The following UCK2 variants were observed in gnomAD, a reference collection of about 807,000 sequenced individuals.
The protein encoded by UCK2 is uridine-cytidine kinase 2, also known as cytidine monophosphokinase 2.
A neutral mutation model predicts 30.8 loss-of-function variants in UCK2; 6 were observed. The observed-to-expected ratio is 0.19, with a 90% confidence interval of 0.11 to 0.38. The LOEUF (loss-of-function observed/expected upper bound fraction) is 0.38. Among genes scored for constraint, UCK2 ranks in the 10% least tolerant of loss-of-function variants. UCK2 has a pLI of 1.00. For synonymous variants in UCK2, 125 were observed against 133.6 expected (o/e 0.94, Z 0.45); for missense variants, 210 against 339.8 (o/e 0.62, Z 3.00).
At chr1:165,834,993 C>T (rs116670011) in intron 1 of UCK2, among the ~76,000 whole-genome samples, 2,031 of 152,062 alleles carry the variant, frequency 0.013, 20 homozygotes, top group Non-Finnish European at 0.02. Context: ...GCTATTTGGT[C>T]TGACATTTTT....
At chr1:165,861,616 A>C (rs1458934080) in intron 1 of UCK2, among the ~76,000 whole-genome samples, 1 of 99,422 alleles carries the variant, frequency 1.0e-5, no homozygotes, top group African/African-American at 4.0e-5. Flanking sequence ...CGACAGAGCG[A>C]GACTCCGTCT....
At chr1:165,842,068 G>A (rs191734471) in intron 1 of UCK2, among the ~76,000 whole-genome samples, 2 of 152,206 alleles carry the variant, frequency 1.3e-5, no homozygotes, top group African/African-American at 4.8e-5. Flanking sequence ...CGTTGGAGCT[G>A]TAGATTCTTT....
chr1:165,900,847 A>G (rs1647436154), intron 4 of UCK2, among the ~76,000 whole-genome samples: 1 of 152,256 alleles, frequency 6.6e-6, no homozygotes, highest in Non-Finnish European at 1.5e-5. Context: ...ACAATCCAGC[A>G]TCAGGCGTTT....
At chr1:165,888,292 TTC>T (rs1474314143) in intron 1 of UCK2, among the ~76,000 whole-genome samples, 2 of 152,134 alleles carry the variant, frequency 1.3e-5, no homozygotes, top group African/African-American at 2.4e-5. Flanking sequence ...TTCTGTTCTT[TTC>T]TCTTTTTTCT....
intron 1 of UCK2, among the ~76,000 whole-genome samples, chr1:165,844,195 T>C (rs1049659719): frequency 4.6e-5 from 7 of 152,234 alleles, no homozygotes; most frequent in Admixed American, 1.3e-4. Context: ...CTCTGCTCTA[T>C]TGAGTCTCAG....
chr1:165,885,066 A>T (rs1314541413), intron 1 of UCK2: 7 of 276,692 alleles, frequency 2.5e-5, no homozygotes, highest in Non-Finnish European at 4.7e-5. Context: ...GACTTTAGTG[A>T]TGCAGTGGGA....
chr1:165,836,470 A>G (rs1199987153), intron 1 of UCK2, among the ~76,000 whole-genome samples: 1 of 152,208 alleles, frequency 6.6e-6, no homozygotes, highest in African/African-American at 2.4e-5. Flanking sequence ...ACTTAGACTC[A>G]GTTTTTACCT....
chr1:165,839,570 A>T (rs192961976), intron 1 of UCK2, among the ~76,000 whole-genome samples: 1 of 152,152 alleles, frequency 6.6e-6, no homozygotes, highest in Non-Finnish European at 1.5e-5. Context: ...GAAGCTTTAT[A>T]ATGTGTCCAC....
chr1:165,883,955 G>A (rs1351805104), intron 1 of UCK2, among the ~76,000 whole-genome samples: 1 of 152,158 alleles, frequency 6.6e-6, no homozygotes, highest in African/African-American at 2.4e-5. Flanking sequence ...CTGGTGCTTT[G>A]GTTTTCTAAT....
intron 1 of UCK2, among the ~76,000 whole-genome samples, chr1:165,867,694 G>A (rs1381665182): frequency 2.6e-5 from 4 of 152,144 alleles, no homozygotes; most frequent in African/African-American, 9.7e-5. Flanking sequence ...CACATCTTCA[G>A]GTTCCACTTC....
intron 1 of UCK2, among the ~76,000 whole-genome samples, chr1:165,872,894 A>C (rs1455586032): frequency 6.6e-6 from 1 of 152,222 alleles, no homozygotes; most frequent in African/African-American, 2.4e-5. Flanking sequence ...GTGATCAGCA[A>C]TCCGGCTGGG....
intron 1 of UCK2, among the ~76,000 whole-genome samples, chr1:165,836,233 C>A (rs550297050): frequency 0.011 from 1,603 of 149,972 alleles, 49 homozygotes; most frequent in African/African-American, 0.037. Context: ...CGTCTCAAAA[C>A]AAAAAACAAA....
At chr1:165,867,260 C>T (rs1257666053) in intron 1 of UCK2, among the ~76,000 whole-genome samples, 2 of 152,154 alleles carry the variant, frequency 1.3e-5, no homozygotes, top group African/African-American at 4.8e-5. Context: ...GAGTGTCTTG[C>T]CTCGATAGTG....
intron 1 of UCK2, among the ~76,000 whole-genome samples, chr1:165,886,612 C>G (rs1008781681): frequency 9.2e-5 from 14 of 152,138 alleles, no homozygotes; most frequent in African/African-American, 3.4e-4. Context: ...TCTTAAGGAA[C>G]AAGATGACAC....
At chr1:165,880,564 GGGGTGTGTGTGTGTGTGTGTGTGTGTGT>G (rs752716442) in intron 1 of UCK2, among the ~76,000 whole-genome samples, 28,238 of 100,000 alleles carry the variant, frequency 0.28, 3,019 homozygotes, top group South Asian at 0.5. Flanking sequence ...GTTTTTTTTG[GGGGTGTGTGTGTGTGTGTGTGTGTGTGT>G]GTGTGTGTGT....
At chr1:165,889,648 C>T (rs948381954) in intron 1 of UCK2, among the ~76,000 whole-genome samples, 2 of 148,286 alleles carry the variant, frequency 1.3e-5, no homozygotes, top group Non-Finnish European at 3.0e-5. Context: ...CCTAAGACTT[C>T]TCTGTCACAG....
At chr1:165,851,017 C>A (rs1356458124) in intron 1 of UCK2, among the ~76,000 whole-genome samples, 5 of 147,328 alleles carry the variant, frequency 3.4e-5, no homozygotes, top group African/African-American at 5.0e-5. Flanking sequence ...TCCCCCTTTG[C>A]CCTCCCAGAG....
chr1:165,880,235 C>T (rs1239962846), intron 1 of UCK2, among the ~76,000 whole-genome samples: 2 of 152,004 alleles, frequency 1.3e-5, no homozygotes, highest in Non-Finnish European at 2.9e-5. Context: ...TGTCTCATAC[C>T]CAGAAGGACT....
chr1:165,863,290 G>A (rs1480807590), intron 1 of UCK2, among the ~76,000 whole-genome samples: 1 of 152,208 alleles, frequency 6.6e-6, no homozygotes, highest in African/African-American at 2.4e-5. Context: ...AAGCCATGTT[G>A]GCCATTTGTT....
Sources: allele counts gnomAD v4.1 joint callset (sites outside exome capture counted in the v4.1 genomes callset), GRCh38; gene constraint gnomAD v4.1.1; transcripts MANE v1.5; gene names NCBI Gene and HGNC (gene_info 2026-07-23, HGNC 2026-07-21).